PLCXD3: variants seen among roughly 807,000 people sequenced by gnomAD.
PLCXD3 encodes phosphatidylinositol specific phospholipase C X domain containing 3.
PLCXD3 carries 19 observed loss-of-function variants against 25.5 expected under a neutral mutation model. The observed-to-expected ratio is 0.75, with a 90% CI of 0.52 to 1.09. The LOEUF (loss-of-function observed/expected upper bound fraction) is 1.09. Among genes scored for constraint, PLCXD3 ranks in the 50% least tolerant of loss-of-function variants. The pLI, the probability that PLCXD3 is intolerant of heterozygous loss-of-function variation, is 0.00. For synonymous variants in PLCXD3, 174 were observed against 137.6 expected (o/e 1.26, Z -1.85); for missense variants, 411 against 388.1 (o/e 1.06, Z -0.50).
intron 2 of PLCXD3, among the ~76,000 whole-genome samples, chr5:41,316,339 C>A (rs1321126427): frequency 6.6e-6 from 1 of 152,156 alleles, no homozygotes; most frequent in East Asian, 1.9e-4. Flanking sequence ...GCCCTTGGCC[C>A]CAGATAACCA....
At chr5:41,449,927 C>T (rs1274166959) in intron 1 of PLCXD3, among the ~76,000 whole-genome samples, 1 of 152,028 alleles carries the variant, frequency 6.6e-6, no homozygotes, top group Admixed American at 6.6e-5. Context: ...TATTACCTCC[C>T]CTAACAGGTA....
At chr5:41,377,259 T>C (rs1745323627) in intron 2 of PLCXD3, among the ~76,000 whole-genome samples, 1 of 151,984 alleles carries the variant, frequency 6.6e-6, no homozygotes, top group South Asian at 2.1e-4. Context: ...AACCTAATCA[T>C]GAATATAACA....
intron 2 of PLCXD3, among the ~76,000 whole-genome samples, chr5:41,362,329 G>T (rs914029447): frequency 6.6e-6 from 1 of 152,156 alleles, no homozygotes; most frequent in Non-Finnish European, 1.5e-5. Context: ...AAAAGCAACA[G>T]AGACTTTGAA....
intron 2 of PLCXD3, among the ~76,000 whole-genome samples, chr5:41,339,981 A>G (rs958939036): frequency 6.6e-6 from 1 of 152,202 alleles, no homozygotes; most frequent in African/African-American, 2.4e-5. Flanking sequence ...AGGAGCCTTC[A>G]GTCAGAAACA....
intron 1 of PLCXD3, among the ~76,000 whole-genome samples, chr5:41,436,388 C>G (rs531579440): frequency 6.6e-6 from 1 of 152,086 alleles, no homozygotes; most frequent in Non-Finnish European, 1.5e-5. Context: ...TTGCAAGTTA[C>G]TTAATGTCTC....
chr5:41,346,874 G>A (rs1164450451), intron 2 of PLCXD3, among the ~76,000 whole-genome samples: 1 of 152,118 alleles, frequency 6.6e-6, no homozygotes, highest in Non-Finnish European at 1.5e-5. Flanking sequence ...TTAACAGTTT[G>A]TTTATCCATT....
chr5:41,356,509 G>C (rs145588435), intron 2 of PLCXD3, among the ~76,000 whole-genome samples: 2 of 152,068 alleles, frequency 1.3e-5, no homozygotes, highest in African/African-American at 2.4e-5. Context: ...TGACTTTTAG[G>C]TTATTCCTTT....
At chr5:41,500,908 A>C (rs1337513099) in intron 1 of PLCXD3, among the ~76,000 whole-genome samples, 1 of 152,046 alleles carries the variant, frequency 6.6e-6, no homozygotes, top group Non-Finnish European at 1.5e-5. Context: ...GAACAAGTAT[A>C]GACATTTCTC....
chr5:41,343,890 G>C (rs1206308079), intron 2 of PLCXD3, among the ~76,000 whole-genome samples: 1 of 152,098 alleles, frequency 6.6e-6, no homozygotes. Context: ...AGCACAATTG[G>C]ATGATTTGTT....
At chr5:41,493,661 G>A (rs1172979972) in intron 1 of PLCXD3, among the ~76,000 whole-genome samples, 2 of 152,220 alleles carry the variant, frequency 1.3e-5, no homozygotes, top group Admixed American at 6.5e-5. Flanking sequence ...CCCCAGCCTA[G>A]CTGCCGCCTT....
intron 1 of PLCXD3, among the ~76,000 whole-genome samples, chr5:41,419,730 C>T (rs779006141): frequency 1.3e-5 from 2 of 152,110 alleles, no homozygotes; most frequent in African/African-American, 2.4e-5. Flanking sequence ...TATGTGACAA[C>T]AGATTAAATT....
intron 1 of PLCXD3, among the ~76,000 whole-genome samples, chr5:41,437,313 A>T (rs1747277790): frequency 6.6e-6 from 1 of 152,236 alleles, no homozygotes; most frequent in Admixed American, 6.5e-5. Flanking sequence ...GGCCACAATG[A>T]TCTTTCATTC....
Position 41,367,772 on chromosome 5 carries a change from G to T in PLCXD3, c.812+14054C>A, listed in dbSNP as rs181669869. Among the ~76,000 whole-genome samples the T allele has an allele frequency of 1.8e-3, 277 of 152,106 alleles. 1 individual carries two copies. Among genetic ancestry groups the T allele is most frequent in the Middle Eastern group, 0.01 (3 of 294 alleles). On this transcript the variant is annotated intron_variant, in intron 2 of 2. Transcript: ENST00000377801. Reference sequence around the variant, plus strand: ...TTCTTTTAGGGTTTTTATAGTTTTGGGTTTTACATTTAAGTCTTTAATCCA... The same window carrying T: ...TTCTTTTAGGGTTTTTATAGTTTTGTGTTTTACATTTAAGTCTTTAATCCA...
intron 1 of PLCXD3, 113 bp downstream of exon 1, chr5:41,510,311 C>T (rs1308823545): frequency 4.2e-6 from 4 of 949,828 alleles, no homozygotes; most frequent in African/African-American, 1.7e-5. Flanking sequence ...CCCTGGAAGA[C>T]GAGTTTCCCT....
chr5:41,321,178 A>G (rs1019025393), intron 2 of PLCXD3, among the ~76,000 whole-genome samples: 1 of 152,220 alleles, frequency 6.6e-6, no homozygotes, highest in Non-Finnish European at 1.5e-5. Flanking sequence ...AGATGATATG[A>G]TCTTATATTT....
chr5:41,506,991 C>A lies in PLCXD3; in HGVS notation c.103+3433G>T, dbSNP rs76084338. Among the ~76,000 whole-genome samples the A allele has an allele frequency of 5.6e-3, 851 of 152,234 alleles. 5 individuals carry two copies. The highest frequency in any genetic ancestry group is 0.01 in the Non-Finnish European group (690 of 68,010). On this transcript the variant is annotated intron_variant, in intron 1 of 2. Coordinates refer to ENST00000377801, the MANE Select transcript of PLCXD3 (RefSeq NM_001005473.3). ...TTTTTACATATTAGAGAATGCAAAG[C>A]AGACCCCTCCCATGGGCTAAACCCT...
chr5:41,353,074 C>T (rs1301427195), intron 2 of PLCXD3, among the ~76,000 whole-genome samples: 1 of 151,092 alleles, frequency 6.6e-6, no homozygotes, highest in Non-Finnish European at 1.5e-5. Flanking sequence ...CAGTCAAAAC[C>T]AACATGTTGC....
chr5:41,418,828 C>A (rs536329503), intron 1 of PLCXD3, among the ~76,000 whole-genome samples: 48 of 152,214 alleles, frequency 3.2e-4, no homozygotes, highest in African/African-American at 1.1e-3. Context: ...GTGTGACTCC[C>A]AAATATTTTG....
chr5:41,386,729 T>C (rs149874460), intron 1 of PLCXD3, among the ~76,000 whole-genome samples: 215 of 152,200 alleles, frequency 1.4e-3, no homozygotes, highest in South Asian at 3.3e-3. Flanking sequence ...ATGGAAGTCA[T>C]TAATAGCTCA....
Sources: gnomAD v4.1 joint callset for allele counts (sites outside exome capture counted in the v4.1 genomes callset) on GRCh38, gnomAD v4.1.1 for gene constraint, MANE v1.5 for transcripts, NCBI Gene and HGNC (gene_info 2026-07-23, HGNC 2026-07-21) for gene names.